UGT1A9: variants seen among roughly 807,000 people sequenced by gnomAD.
UGT1A9 encodes the protein UDP glucuronosyltransferase family 1 member A9.
In UGT1A9, 35 loss-of-function variants were observed where a neutral mutation model predicts 45.0. That is an observed-to-expected ratio of 0.78 (90% CI 0.59 to 1.03). UGT1A9 has a LOEUF of 1.03. Ranked by LOEUF, UGT1A9 falls within the 50% of genes least tolerant of loss-of-function variation. UGT1A9 has a pLI of 0.00. For missense variants in UGT1A9, 687 were observed against 666.6 expected, an observed-to-expected ratio of 1.03 and a Z score of -0.34; for synonymous variants, 278 against 250.6, an observed-to-expected ratio of 1.11 and a Z score of -1.03.
chr2:233,751,417 C>CT, intron 1 of UGT1A9, among the ~76,000 whole-genome samples: 1 of 152,082 alleles, frequency 6.6e-6, no homozygotes, highest in East Asian at 1.9e-4. Flanking sequence ...GACTTTTGAG[C>CT]TAGTGCTGAA....
At position 233,724,298 on chromosome 2, in the gene UGT1A9, C is replaced by G. The variant is rs1308100434; in HGVS notation, c.856-42736C>G. Among the ~76,000 whole-genome samples, 14 of 143,328 alleles carry G rather than the reference C, an allele frequency of 9.8e-5. No individual in the cohort carries two copies. In the East Asian group the frequency reaches 3.1e-3, roughly 31 times the overall value. 94.0% of individuals were successfully genotyped at this position (143,328 alleles called of 152,430 possible). Reference sequence around the variant, plus strand: ...TGGCCGGGCGGGGGGCTGACCCCCCCACCTCCCTCCCGGACGGGGCGGCTG... The same window carrying G: ...TGGCCGGGCGGGGGGCTGACCCCCCGACCTCCCTCCCGGACGGGGCGGCTG... On this transcript the variant is annotated intron_variant, in intron 1 of 4. Transcript: ENST00000354728.
intron 1 of UGT1A9, among the ~76,000 whole-genome samples, chr2:233,715,856 G>A (rs1421032184): frequency 2.6e-5 from 4 of 152,126 alleles, no homozygotes; most frequent in Non-Finnish European, 5.9e-5. Context: ...TGAAAAGCTG[G>A]GTGCAGTAGC....
intron 1 of UGT1A9, among the ~76,000 whole-genome samples, chr2:233,724,292 C>A (rs1379070155): frequency 7.8e-6 from 1 of 129,018 alleles, no homozygotes; most frequent in East Asian, 2.7e-4. Context: ...GGGGGGCTGA[C>A]CCCCCCACCT....
chr2:233,685,218 A>G (rs1199330018), intron 1 of UGT1A9, among the ~76,000 whole-genome samples: 5 of 152,164 alleles, frequency 3.3e-5, no homozygotes, highest in African/African-American at 4.8e-5. Context: ...TTTTTAATAG[A>G]GACGGGGTTT....
chr2:233,723,199 A>G (rs111421853), intron 1 of UGT1A9, among the ~76,000 whole-genome samples: 3,458 of 129,646 alleles, frequency 0.027, 116 homozygotes, highest in African/African-American at 0.11. Context: ...TGTGGTAAAA[A>G]AAGTCAAAAC....
chr2:233,716,067 T>C (rs1328183312), intron 1 of UGT1A9, among the ~76,000 whole-genome samples: 2 of 152,250 alleles, frequency 1.3e-5, no homozygotes, highest in Non-Finnish European at 2.9e-5. Flanking sequence ...AGTTGTATTC[T>C]TTCCACTGAG....
At chr2:233,688,960 T>G (rs1400974690) in intron 1 of UGT1A9, among the ~76,000 whole-genome samples, 3 of 152,174 alleles carry the variant, frequency 2.0e-5, no homozygotes, top group Admixed American at 2.0e-4. Flanking sequence ...ATGTTTGGAA[T>G]CATAGCATGT....
rs996102742 is a variant in UGT1A9 at position 233,755,058 on chromosome 2, G to A, written c.856-11976G>A. The A allele has an allele frequency of 3.7e-6, 5 of 1,333,560 alleles. No homozygotes were observed. In the African/African-American group the frequency reaches 6.0e-5, roughly 16 times the overall value. The allele number at this position is 1,333,560 out of a possible 1,614,324, so 82.6% of individuals were successfully genotyped here. On this transcript the variant is annotated intron_variant, in intron 1 of 4. Transcript: ENST00000354728. The stretch of plus-strand genomic sequence containing the variant: ...GCCTGCGCAGCCGCCCTCCGCCCTC[G>A]CCTCGCCATAGCGGTCATAGATATC...
intron 1 of UGT1A9, among the ~76,000 whole-genome samples, chr2:233,680,328 C>T (rs1023076830): frequency 1.1e-4 from 16 of 152,244 alleles, no homozygotes; most frequent in South Asian, 4.1e-4. Flanking sequence ...AGAAGAAACG[C>T]GCAGAGGGTA....
intron 1 of UGT1A9, chr2:233,693,318 T>C (rs2075145288): frequency 6.2e-7 from 1 of 1,614,116 alleles, no homozygotes; most frequent in African/African-American, 1.3e-5. Context: ...CGATCATTCC[T>C]AACTGCTCCT....
chr2:233,767,556 C>T (rs1699418440), intron 2 of UGT1A9, among the ~76,000 whole-genome samples: 1 of 152,172 alleles, frequency 6.6e-6, no homozygotes, highest in African/African-American at 2.4e-5. Flanking sequence ...GTTCTGCATC[C>T]ACTTGTTTCA....
chr2:233,704,714 T>A (rs948754454), intron 1 of UGT1A9, among the ~76,000 whole-genome samples: 7 of 152,218 alleles, frequency 4.6e-5, no homozygotes, highest in African/African-American at 1.7e-4. Context: ...TAGCCCAATT[T>A]GCCTTTGCTC....
chr2:233,738,357 G>C (rs1375014777), intron 1 of UGT1A9, among the ~76,000 whole-genome samples: 1 of 152,206 alleles, frequency 6.6e-6, no homozygotes, highest in Non-Finnish European at 1.5e-5. Flanking sequence ...GGAGAGTGGG[G>C]TACTGCTATA....
intron 1 of UGT1A9, among the ~76,000 whole-genome samples, chr2:233,739,955 T>C (rs2125826386): frequency 6.6e-6 from 1 of 152,058 alleles, no homozygotes; most frequent in South Asian, 2.1e-4. Flanking sequence ...TGGTGGGAGC[T>C]GATTGAATCA....
At chr2:233,757,428 A>C (rs987166652) in intron 1 of UGT1A9, among the ~76,000 whole-genome samples, 1 of 151,108 alleles carries the variant, frequency 6.6e-6, no homozygotes, top group Non-Finnish European at 1.5e-5. Flanking sequence ...AAGAGAAGAA[A>C]AGTCACTTCT....
intron 1 of UGT1A9, chr2:233,754,955 G>A (rs767638744): frequency 7.6e-6 from 10 of 1,314,252 alleles, no homozygotes; most frequent in South Asian, 1.1e-5. Context: ...GGTCCCGGCC[G>A]CCAAAGAACT....
rs759077293 is a variant in UGT1A9, at chr2:233,769,522, C to T, written c.1295+1083C>T. On this transcript the variant is annotated intron_variant, in intron 4 of 4. Transcript: ENST00000354728. The surrounding 1 kb of genome is among the most constrained non-coding windows in gnomAD (Gnocchi z 4.4). ...GTCCATTGCTTTCTCCCATGGTTAC[C>T]TCCTTTAGAAAGAAGCAGCAGTCAG... 1.2e-6 allele frequency: 2 copies of T among 1,612,844 alleles called. No individual in the cohort carries two copies. The highest frequency in any genetic ancestry group is 1.7e-6 in the Non-Finnish European group (2 of 1,179,866).
chr2:233,690,803 T>G, intron 1 of UGT1A9: 2 of 1,096,684 alleles, frequency 1.8e-6, no homozygotes, highest in East Asian at 7.6e-5. Context: ...ACACACACCA[T>G]TCTTAGTACA....
intron 1 of UGT1A9, chr2:233,755,135 T>A (rs1342380152): frequency 7.6e-7 from 1 of 1,315,532 alleles, no homozygotes; most frequent in African/African-American, 1.5e-5. Flanking sequence ...CCTGCTTGAA[T>A]CTTCTCACCG....
Sources: allele counts gnomAD v4.1 joint callset (sites outside exome capture counted in the v4.1 genomes callset), GRCh38; gene constraint gnomAD v4.1.1; non-coding constraint Gnocchi (gnomAD v3.1); transcripts MANE v1.5; gene names NCBI Gene and HGNC (gene_info 2026-07-23, HGNC 2026-07-21).